The following TENM4 variants were observed in gnomAD, a reference collection of about 807,000 sequenced individuals.
TENM4 encodes teneurin transmembrane protein 4, also known as teneurin-4.
A neutral mutation model predicts 243.3 loss-of-function variants in TENM4; 82 were observed. That is an observed-to-expected ratio of 0.34 (90% CI 0.28 to 0.40). TENM4 has a LOEUF of 0.40. Ranked by LOEUF, TENM4 falls within the 10% of genes least tolerant of loss-of-function variation. The probability of loss-of-function intolerance (pLI) is 1.00; values close to 1 mark genes in which losing one functional copy is unlikely to be tolerated. For missense variants in TENM4, 3,138 were observed against 3,673.3 expected (o/e 0.85, Z 3.77); for synonymous variants, 1,412 against 1,456.3 (o/e 0.97, Z 0.69).
chr11:78,829,803 TA>T (rs898187976), intron 12 of TENM4, among the ~76,000 whole-genome samples: 6 of 152,156 alleles, frequency 3.9e-5, no homozygotes, highest in African/African-American at 1.4e-4. Context: ...CTGTGTGGGT[TA>T]GTTTCTAGTG....
In TENM4 at chr11:78,750,878, T is replaced by TGC. The variant is rs1228632760; in HGVS notation, c.2756+5926_2756+5927insGC. Reference sequence around the variant, plus strand: ...GTGTGTGTGTGTGTGTGTGTGTGTGTGTCTGTGTGTCTGTGTTTTGAGACA... The same window carrying TGC: ...GTGTGTGTGTGTGTGTGTGTGTGTGTGCGTCTGTGTGTCTGTGTTTTGAGACA... On this transcript the variant is annotated intron_variant, in intron 19 of 33. Coordinates refer to ENST00000278550, the MANE Select transcript of TENM4 (RefSeq NM_001098816.3). 7.7e-4 allele frequency among the ~76,000 whole-genome samples: 116 copies of TGC among 151,230 alleles called. No individual in the cohort carries two copies. The Middle Eastern group carries it at 0.014, about 18-fold the overall frequency.
At chr11:79,158,726 T>C (rs1289336043) in intron 3 of TENM4, among the ~76,000 whole-genome samples, 2 of 152,220 alleles carry the variant, frequency 1.3e-5, no homozygotes, top group Non-Finnish European at 2.9e-5. Flanking sequence ...CCTTTTCTTA[T>C]AGAGAAGGTA....
intron 4 of TENM4, among the ~76,000 whole-genome samples, chr11:79,130,458 G>A (rs903782643): frequency 2.2e-5 from 3 of 134,542 alleles, no homozygotes; most frequent in African/African-American, 8.7e-5. Context: ...CCAGAGAAAG[G>A]CAAAGCCCAA....
intron 2 of TENM4, among the ~76,000 whole-genome samples, chr11:79,245,938 T>TAAAAAAAA (rs1199883938): frequency 8.6e-4 from 56 of 64,814 alleles, no homozygotes; most frequent in African/African-American, 1.9e-3. Context: ...AGACTTTGTC[T>TAAAAAAAA]AAAAAAAAAA....
intron 1 of TENM4, among the ~76,000 whole-genome samples, chr11:79,393,562 C>T (rs1189605614): frequency 6.6e-6 from 1 of 152,190 alleles, no homozygotes; most frequent in African/African-American, 2.4e-5. Flanking sequence ...TGCGTCAGCC[C>T]TCTGGTCAGC....
chr11:78,665,185 C>T (rs1858125099), intron 32 of TENM4, among the ~76,000 whole-genome samples: 1 of 150,388 alleles, frequency 6.6e-6, no homozygotes, highest in African/African-American at 2.5e-5. Context: ...CTTTTCTTTT[C>T]TTTTTCTCTC....
At chr11:78,997,230 G>C (rs17827500) in intron 6 of TENM4, among the ~76,000 whole-genome samples, 24,928 of 152,112 alleles carry the variant, frequency 0.16, 2,218 homozygotes, top group Middle Eastern at 0.29. Context: ...CTAAAATTCA[G>C]AGCAGTCCAG....
At chr11:79,226,785 C>A (rs1346641701) in intron 2 of TENM4, among the ~76,000 whole-genome samples, 1 of 152,080 alleles carries the variant, frequency 6.6e-6, no homozygotes, top group Non-Finnish European at 1.5e-5. Flanking sequence ...ATTCAGGAGA[C>A]CTTATAAAAC....
At chr11:78,687,030 A>G (rs1429016028) in intron 29 of TENM4, among the ~76,000 whole-genome samples, 1 of 152,222 alleles carries the variant, frequency 6.6e-6, no homozygotes, top group East Asian at 1.9e-4. Flanking sequence ...GCTAGTCACT[A>G]CACTGTCTAA....
At chr11:78,785,178 G>A (rs1420616003) in intron 16 of TENM4, among the ~76,000 whole-genome samples, 1 of 152,006 alleles carries the variant, frequency 6.6e-6, no homozygotes, top group Non-Finnish European at 1.5e-5. Flanking sequence ...AGAGTTTAAA[G>A]AAGAGGCCCC....
chr11:78,868,014 A>C (rs4601815), intron 9 of TENM4, among the ~76,000 whole-genome samples: 2,428 of 152,032 alleles, frequency 0.016, 43 homozygotes, highest in African/African-American at 0.055. Flanking sequence ...ATCTTCATTT[A>C]AAGCTGTGTA....
At chr11:78,725,874 T>C (rs150782378) in intron 23 of TENM4, among the ~76,000 whole-genome samples, 45 of 152,300 alleles carry the variant, frequency 3.0e-4, no homozygotes, top group Admixed American at 3.9e-4. Flanking sequence ...CATAAAGCCT[T>C]GAGGCCATTC....
chr11:78,963,903 C>CT (rs931930928), intron 6 of TENM4, among the ~76,000 whole-genome samples: 4 of 147,030 alleles, frequency 2.7e-5, no homozygotes, highest in African/African-American at 7.6e-5. Context: ...TTTTTTTTTT[C>CT]TTTTTTTGTA....
chr11:79,174,834 C>T (rs532578475), intron 3 of TENM4, among the ~76,000 whole-genome samples: 27 of 152,344 alleles, frequency 1.8e-4, no homozygotes, highest in Non-Finnish European at 3.8e-4. Context: ...CTAGGAGTGA[C>T]AGCTCCCAGC....
chr11:78,925,003 G>A (rs1856524097), intron 6 of TENM4, among the ~76,000 whole-genome samples: 2 of 152,170 alleles, frequency 1.3e-5, no homozygotes, highest in African/African-American at 2.4e-5. Context: ...GCAAAGCTGT[G>A]ATTTTGCAAA....
intron 2 of TENM4, among the ~76,000 whole-genome samples, chr11:79,216,788 CTAAA>C (rs1268239292): frequency 2.6e-5 from 4 of 152,180 alleles, no homozygotes; most frequent in Non-Finnish European, 5.9e-5. Flanking sequence ...GAACTGTGAG[CTAAA>C]TAAATTTCTT....
At chr11:78,882,706 A>C (rs1346040069) in intron 9 of TENM4, among the ~76,000 whole-genome samples, 1 of 152,246 alleles carries the variant, frequency 6.6e-6, no homozygotes, top group African/African-American at 2.4e-5. Flanking sequence ...AGATAGCCTC[A>C]AGAACTGCAT....
At chr11:79,274,257 G>C (rs1804359351) in intron 2 of TENM4, among the ~76,000 whole-genome samples, 1 of 152,234 alleles carries the variant, frequency 6.6e-6, no homozygotes, top group Admixed American at 6.5e-5. Flanking sequence ...ACATATTGGC[G>C]ACCAAATTTG....
intron 3 of TENM4, among the ~76,000 whole-genome samples, chr11:79,209,441 G>A (rs976232006): frequency 1.3e-5 from 2 of 152,222 alleles, no homozygotes; most frequent in Admixed American, 6.5e-5. Flanking sequence ...TGGGTTCCCA[G>A]CACAATCTGT....
Sources: gnomAD v4.1 joint callset for allele counts (sites outside exome capture counted in the v4.1 genomes callset) on GRCh38, gnomAD v4.1.1 for gene constraint, MANE v1.5 for transcripts, NCBI Gene and HGNC (gene_info 2026-07-23, HGNC 2026-07-21) for gene names.